Variants in PLA2G4D observed in about 807,000 individuals in gnomAD.
The protein encoded by PLA2G4D is phospholipase A2 group IVD.
Under a neutral mutation model 94.4 loss-of-function variants are expected in PLA2G4D, and 80 were observed. The observed-to-expected ratio is 0.85, with a 90% confidence interval of 0.71 to 1.02. The LOEUF (loss-of-function observed/expected upper bound fraction) is 1.02. Ranked by LOEUF, PLA2G4D falls within the 50% of genes least tolerant of loss-of-function variation. PLA2G4D has a pLI of 0.00. For missense variants in PLA2G4D, 1,050 were observed against 1,034.7 expected (o/e 1.01, Z -0.20); for synonymous variants, 438 against 440.9 (o/e 0.99, Z 0.08).
chr15:42,073,712 C>T (rs1350876777), intron 13 of PLA2G4D, among the ~76,000 whole-genome samples: 1 of 152,188 alleles, frequency 6.6e-6, no homozygotes, highest in Non-Finnish European at 1.5e-5. Context: ...GAGAATCAGC[C>T]TGTCAGAAGT....
intron 13 of PLA2G4D, among the ~76,000 whole-genome samples, chr15:42,075,158 T>G (rs1889894696): frequency 6.6e-6 from 1 of 152,218 alleles, no homozygotes; most frequent in South Asian, 2.1e-4. Flanking sequence ...AATATATAGG[T>G]GTCTAATAAT....
At position 42,069,981 on chromosome 15, in the gene PLA2G4D, C is replaced by G; in HGVS notation, c.2158G>C (p.Ala720Pro). ...PRECHLFSDP[A>P]CPEAPILLHF... ...AGCAGGATCGGGGCCTCGGGGCAGG[C>G]GGGGTCTGAGAAGAGGTGGCATTCC... Residue 720 changes from alanine to proline, a missense_variant, in exon 19 of 20, where the codon GCC becomes CCC. Physicochemically the swap from Ala to Pro is conservative, Grantham distance 27. Transcript: ENST00000290472. The G allele has an allele frequency of 2.7e-6, 4 of 1,481,416 alleles. No homozygotes were observed. The highest frequency in any genetic ancestry group is 2.7e-6 in the Non-Finnish European group (3 of 1,120,722). The allele number at this position is 1,481,416 out of a possible 1,614,324, so 91.8% of individuals were successfully genotyped here.
At chr15:42,087,824 A>G in intron 1 of PLA2G4D, 124 bp from the exon 2 acceptor site, 1 of 999,474 alleles carries the variant, frequency 1.0e-6, no homozygotes, top group Non-Finnish European at 1.5e-6. Flanking sequence ...CACCCCTGCC[A>G]GGCGTTCCGG....
At position 42,086,194 on chromosome 15, in the gene PLA2G4D, T is replaced by TTGGGGGGGGGGCGGCC; in HGVS notation, c.387+18_387+19insGGCCGCCCCCCCCCCA. On this transcript the variant is annotated intron_variant, in intron 4 of 19. Transcript: ENST00000290472. The stretch of plus-strand genomic sequence containing the variant: ...GGAAGAAGTGGGGCCCACGGGGACT[T>TTGGGGGGGGGGCGGCC]CCCCACCCACCCACCCACCTGGGGA... 3 of 1,370,444 alleles carry TTGGGGGGGGGGCGGCC rather than the reference T, an allele frequency of 2.2e-6. No individual in the cohort carries two copies. Among genetic ancestry groups the TTGGGGGGGGGGCGGCC allele is most frequent in the Non-Finnish European group, 2.9e-6 (3 of 1,043,084 alleles). The allele number at this position is 1,370,444 out of a possible 1,614,324, so 84.9% of individuals were successfully genotyped here.
chr15:42,069,851 C>T, intron 19 of PLA2G4D, 58 bp downstream of exon 19: 1 of 1,311,082 alleles, frequency 7.6e-7, no homozygotes, highest in Middle Eastern at 2.5e-4. Context: ...AGCCGGGGGG[C>T]CCAGGGCAGG....
chr15:42,086,474 TAA>T (rs148178869), intron 3 of PLA2G4D, 130 bp from the exon 4 acceptor site: 62,067 of 670,510 alleles, frequency 0.093, 3,217 homozygotes, highest in Middle Eastern at 0.12. Flanking sequence ...CGCTTCAAAA[TAA>T]AAAAAAAAAC....
In PLA2G4D at chr15:42,070,863, G is replaced by C. The variant is rs1210646662; in HGVS notation, c.1897C>G (p.Pro633Ala). The change falls in exon 18 of 20, where the codon CCC (proline) becomes GCC (alanine). Residue 633 changes from proline to alanine, a missense_variant. Physicochemically the swap from Pro to Ala is conservative, Grantham distance 27 (BLOSUM62 -1). Coordinates refer to ENST00000290472, the MANE Select transcript of PLA2G4D (RefSeq NM_178034.4). ...TWADYQLDSM[P>A]SQLTPKEPRL... ...GGCTCCTTGGGGGTCAGCTGGCTGG[G>C]CATGGAGTCAAGCTGGTAGTCTGGT... The C allele has an allele frequency of 6.2e-7, 1 of 1,611,692 alleles. No homozygotes were observed. Among genetic ancestry groups the C allele is most frequent in the Admixed American group, 1.7e-5 (1 of 59,752 alleles).
rs1319622891 is a variant in PLA2G4D, at chr15:42,088,943, G to C, written c.46-1243C>G. Among the ~76,000 whole-genome samples, 2 of 152,314 alleles carry C rather than the reference G, an allele frequency of 1.3e-5. 1 individual carries two copies. The highest frequency in any genetic ancestry group is 3.9e-4 in the East Asian group (2 of 5,186). On this transcript the variant is annotated intron_variant, in intron 1 of 19. Coordinates refer to ENST00000290472, the MANE Select transcript of PLA2G4D (RefSeq NM_178034.4). ...CTAACCCCAGGAGCCATGCAGTGTGGCGGCCCTGCTGAACAACCCAGAGAC... is the reference window on the plus strand; with the variant it reads ...CTAACCCCAGGAGCCATGCAGTGTGCCGGCCCTGCTGAACAACCCAGAGAC...
intron 13 of PLA2G4D, 63 bp downstream of exon 13, chr15:42,079,474 G>C (rs1889989732): frequency 1.3e-6 from 2 of 1,489,084 alleles, no homozygotes. Flanking sequence ...CAGCCGCTTG[G>C]GAGCCCTGCC....
chr15:42,069,957 G>A lies in PLA2G4D; in HGVS notation c.2182C>T (p.Leu728=). ...GAGGCATTGACCAGCGGGAAGTGCAGCAGGATCGGGGCCTCGGGGCAGGCG... is the reference window on the plus strand; with the variant it reads ...GAGGCATTGACCAGCGGGAAGTGCAACAGGATCGGGGCCTCGGGGCAGGCG... ...DPACPEAPIL[L]HFPLVNASFK... Residue 728 remains leucine, a synonymous_variant, in exon 19 of 20, where the codon CTG becomes TTG. Coordinates refer to ENST00000290472, the MANE Select transcript of PLA2G4D (RefSeq NM_178034.4). 2.1e-6 allele frequency: 3 copies of A among 1,461,602 alleles called. No homozygotes were observed. The highest frequency in any genetic ancestry group is 2.9e-5 in the East Asian group (1 of 34,340). 90.5% of individuals were successfully genotyped at this position (1,461,602 alleles called of 1,614,324 possible). A position where few individuals can be genotyped will look rare whatever the true frequency, so the allele number is the denominator to read the frequency against.
At chr15:42,070,500 G>C (rs1263465608) in intron 18 of PLA2G4D, 14 of 595,162 alleles carry the variant, frequency 2.4e-5, no homozygotes, top group African/African-American at 7.4e-5. Flanking sequence ...GTGTGGGGAG[G>C]TCCCTCCCTG....
At position 42,083,327 on chromosome 15, in the gene PLA2G4D, G is replaced by A; in HGVS notation, c.543C>T (p.Asp181=). Residue 181 remains aspartate, a synonymous_variant, in exon 8 of 20, where the codon GAC becomes GAT. Transcript: ENST00000290472. The part of the protein sequence containing the change: ...TGSTAVVADQ[D]KLELELVLKG... Reference sequence around the variant, plus strand: ...TCAGCACCAGCTCCAGCTCCAGCTTGTCCTGATCTAGGGAGAGAGTAGGCG... The same window carrying A: ...TCAGCACCAGCTCCAGCTCCAGCTTATCCTGATCTAGGGAGAGAGTAGGCG... 6.2e-7 allele frequency: 1 copy of A among 1,613,424 alleles called. No homozygotes were observed. Among genetic ancestry groups the A allele is most frequent in the Non-Finnish European group, 8.5e-7 (1 of 1,179,734 alleles).
rs1170252452 is a variant in PLA2G4D, at chr15:42,087,629, C to G, written c.117G>C (p.Leu39=). The change falls in exon 2 of 20, where the codon CTG becomes CTC. Residue 39 remains leucine (L), a splice_region_variant and synonymous_variant. Coordinates refer to ENST00000290472, the MANE Select transcript of PLA2G4D (RefSeq NM_178034.4). ...AGAGCGCACAGGGCGGTTACTCACACAGGTCAGCCCAGCGCAGGTTCCGCG... is the reference window on the plus strand; with the variant it reads ...AGAGCGCACAGGGCGGTTACTCACAGAGGTCAGCCCAGCGCAGGTTCCGCG... The part of the protein sequence containing the change: ...LEARNLRWAD[L]LSEADPYVIL... The G allele has an allele frequency of 2.5e-6, 4 of 1,614,026 alleles. No homozygotes were observed. The African/African-American group carries it at 4.0e-5, about 16-fold the overall frequency.
intron 1 of PLA2G4D, among the ~76,000 whole-genome samples, chr15:42,089,845 T>G (rs1171187371): frequency 3.5e-4 from 53 of 152,186 alleles, no homozygotes; most frequent in Admixed American, 3.5e-3. Context: ...GTGGCCCCAG[T>G]TACTCACTGT....
Position 42,071,290 on chromosome 15 carries a change from G to C in PLA2G4D, c.1709C>G (p.Thr570Ser), listed in dbSNP as rs145526723. Reference sequence around the variant, plus strand: ...CCACGAGGCCTCCAGCCGCGAGGAGGTCCCCGAGGTGGTCAGGGGCTCCTT... The same window carrying C: ...CCACGAGGCCTCCAGCCGCGAGGAGCTCCCCGAGGTGGTCAGGGGCTCCTT... ...LEKEPLTTSG[T>S]SSRLEASWLQ... Residue 570 changes from threonine to serine, a missense_variant, in exon 17 of 20, where the codon ACC (threonine) becomes AGC (serine). Physicochemically the swap from Thr to Ser is moderately conservative, Grantham distance 58. Transcript: ENST00000290472. 1 of 1,592,178 alleles carries C rather than the reference G, an allele frequency of 6.3e-7. No homozygotes were observed. Among genetic ancestry groups the C allele is most frequent in the East Asian group, 2.2e-5 (1 of 44,648 alleles).
chr15:42,094,549 A>G lies in PLA2G4D; in HGVS notation c.-90T>C. On this transcript the variant is annotated 5_prime_UTR_variant, in exon 1 of 20. Transcript: ENST00000290472. The stretch of plus-strand genomic sequence containing the variant: ...GCAGCGACGGTCCCAGTGGGATAGG[A>G]CCAGCATGAATCTGCCAGCCTTCAA... 6.7e-7 allele frequency: 1 copy of G among 1,499,734 alleles called. No individual in the cohort carries two copies. The highest frequency in any genetic ancestry group is 2.3e-5 in the East Asian group (1 of 43,558). The allele number at this position is 1,499,734 out of a possible 1,614,324, so 92.9% of individuals were successfully genotyped here.
At position 42,071,306 on chromosome 15, in the gene PLA2G4D, G is replaced by A. The variant is rs770743738; in HGVS notation, c.1693C>T (p.Leu565=). The part of the protein sequence containing the change: ...DKTRSLEKEP[L]TTSGTSSRLE... ...CGCGAGGAGGTCCCCGAGGTGGTCAGGGGCTCCTTCTCTGAAGCCAGAGAA... is the reference window on the plus strand; with the variant it reads ...CGCGAGGAGGTCCCCGAGGTGGTCAAGGGCTCCTTCTCTGAAGCCAGAGAA... The change falls in exon 17 of 20, where the codon CTG becomes TTG. Residue 565 remains leucine (L), a synonymous_variant. Transcript: ENST00000290472. 1 of 1,585,238 alleles carries A rather than the reference G, an allele frequency of 6.3e-7. No homozygotes were observed. The highest frequency in any genetic ancestry group is 8.6e-7 in the Non-Finnish European group (1 of 1,169,488).
chr15:42,092,459 A>G (rs1890261266), intron 1 of PLA2G4D, among the ~76,000 whole-genome samples: 1 of 152,218 alleles, frequency 6.6e-6, no homozygotes, highest in African/African-American at 2.4e-5. Context: ...ATATTCATAG[A>G]TTTGTCACAG....
intron 18 of PLA2G4D, 105 bp from the exon 19 acceptor site, chr15:42,070,200 T>A: frequency 8.5e-7 from 1 of 1,172,122 alleles, no homozygotes; most frequent in Non-Finnish European, 1.1e-6. Flanking sequence ...ACAGCCTGGC[T>A]CTGTCCTGTT....
Sources: allele counts gnomAD v4.1 joint callset (sites outside exome capture counted in the v4.1 genomes callset), GRCh38; gene constraint gnomAD v4.1.1; transcripts MANE v1.5; gene names NCBI Gene and HGNC (gene_info 2026-07-23, HGNC 2026-07-21).